Variants in METTL15 observed in about 807,000 individuals in gnomAD.
The protein encoded by METTL15 is 12S rRNA N(4)-cytidine methyltransferase METTL15.
METTL15 carries 34 observed loss-of-function variants against 38.3 expected under a neutral mutation model. The ratio of observed to expected loss-of-function variants is 0.89; its 90% CI spans 0.68 to 1.18. The LOEUF (loss-of-function observed/expected upper bound fraction) is 1.18. METTL15 is among the 50% of genes most tolerant of loss of function. The pLI, the probability that METTL15 is intolerant of heterozygous loss-of-function variation, is 0.00. For synonymous variants in METTL15, 162 were observed against 170.9 expected (o/e 0.95, Z 0.41); for missense variants, 438 against 498.4 (o/e 0.88, Z 1.15).
intron 6 of METTL15, among the ~76,000 whole-genome samples, chr11:28,308,510 CAT>C (rs1416273381): frequency 5.9e-5 from 9 of 152,222 alleles, no homozygotes. Context: ...CAGTTCCACT[CAT>C]AGAATAGACT....
chr11:28,413,926 CAG>C, intron 5 of METTL15, among the ~76,000 whole-genome samples: 1 of 152,250 alleles, frequency 6.6e-6, no homozygotes, highest in East Asian at 1.9e-4. Context: ...TCATGTAGTG[CAG>C]AGTTTCTTAA....
intron 3 of METTL15, among the ~76,000 whole-genome samples, chr11:28,209,274 T>C (rs1852516984): frequency 6.6e-6 from 1 of 152,008 alleles, no homozygotes; most frequent in African/African-American, 2.4e-5. Flanking sequence ...AGGCTAGGTA[T>C]TGATCCCATG....
At chr11:28,370,553 T>C (rs1028193210) in intron 5 of METTL15, among the ~76,000 whole-genome samples, 25 of 152,140 alleles carry the variant, frequency 1.6e-4, no homozygotes, top group African/African-American at 5.5e-4. Flanking sequence ...TTGATTTCTT[T>C]TCTTTGAGAT....
chr11:28,479,498 A>G (rs879406031), intron 6 of METTL15, among the ~76,000 whole-genome samples: 1 of 152,150 alleles, frequency 6.6e-6, no homozygotes, highest in Non-Finnish European at 1.5e-5. Context: ...AGAAGATTTT[A>G]TTCCAAGTCA....
chr11:28,393,387 G>A (rs1043928080), intron 5 of METTL15, among the ~76,000 whole-genome samples: 4 of 152,062 alleles, frequency 2.6e-5, no homozygotes, highest in Non-Finnish European at 5.9e-5. Context: ...AAATTTAGTG[G>A]TTTAAAGAAA....
At chr11:28,310,351 TACACACAC>T (rs111303962) in intron 6 of METTL15, among the ~76,000 whole-genome samples, 1 of 147,060 alleles carries the variant, frequency 6.8e-6, no homozygotes, top group Admixed American at 6.8e-5. Flanking sequence ...TGTTCAGAGG[TACACACAC>T]ACACACACAC....
intron 6 of METTL15, among the ~76,000 whole-genome samples, chr11:28,428,418 C>A (rs919303326): frequency 1.3e-5 from 2 of 152,268 alleles, no homozygotes; most frequent in African/African-American, 4.8e-5. Context: ...TATATACAAT[C>A]CTAGGATGTG....
intron 6 of METTL15, among the ~76,000 whole-genome samples, chr11:28,446,875 C>T (rs1294479045): frequency 1.3e-5 from 2 of 152,032 alleles, no homozygotes; most frequent in East Asian, 1.9e-4. Flanking sequence ...ATAGTTTTTA[C>T]GTCTGCAATT....
intron 4 of METTL15, among the ~76,000 whole-genome samples, chr11:28,277,683 C>T (rs556376606): frequency 1.3e-5 from 2 of 151,388 alleles, no homozygotes; most frequent in South Asian, 2.1e-4. Flanking sequence ...GAGCAAGACT[C>T]GGTTTAAAAA....
At chr11:28,143,880 C>T (rs1362709245) in intron 3 of METTL15, among the ~76,000 whole-genome samples, 4 of 152,166 alleles carry the variant, frequency 2.6e-5, no homozygotes, top group African/African-American at 9.6e-5. Context: ...TCTCTTTTGA[C>T]ATCTGACTGG....
intron 3 of METTL15, among the ~76,000 whole-genome samples, chr11:28,205,977 G>A (rs1378414528): frequency 7.0e-6 from 1 of 143,550 alleles, no homozygotes; most frequent in African/African-American, 2.7e-5. Flanking sequence ...TTGTAAATTT[G>A]TTTGAGTTCA....
At chr11:28,218,766 G>A (rs1195999762) in intron 4 of METTL15, among the ~76,000 whole-genome samples, 1 of 152,176 alleles carries the variant, frequency 6.6e-6, no homozygotes, top group East Asian at 1.9e-4. Context: ...TTTTTAGCAT[G>A]CAGGGCTGTT....
At chr11:28,364,817 C>A (rs527678530) in intron 5 of METTL15, among the ~76,000 whole-genome samples, 58 of 152,274 alleles carry the variant, frequency 3.8e-4, no homozygotes, top group African/African-American at 1.3e-3. Context: ...TGGACTTTGT[C>A]ATAGATGGCT....
At chr11:28,362,935 T>G (rs1013411743) in intron 5 of METTL15, among the ~76,000 whole-genome samples, 6 of 152,224 alleles carry the variant, frequency 3.9e-5, no homozygotes, top group African/African-American at 1.4e-4. Flanking sequence ...ATTTTCAAAC[T>G]GTTTTCCACA....
chr11:28,331,064 C>T lies in METTL15; in HGVS notation c.*223C>T. On this transcript the variant is annotated 3_prime_UTR_variant, in exon 7 of 7. Transcript: ENST00000407364. Reference sequence around the variant, plus strand: ...CTCCAGACTGGAAAAATATGTTAATCTTTGCATCATATTGGACTCTTGAAG... The same window carrying T: ...CTCCAGACTGGAAAAATATGTTAATTTTTGCATCATATTGGACTCTTGAAG... 3.0e-6 allele frequency: 1 copy of T among 336,902 alleles called. No homozygotes were observed. 20.9% of individuals were successfully genotyped at this position (336,902 alleles called of 1,614,324 possible). A position where few individuals can be genotyped will look rare whatever the true frequency, so the allele number is the denominator to read the frequency against.
intron 4 of METTL15, among the ~76,000 whole-genome samples, chr11:28,235,448 C>G (rs10835292): frequency 6.6e-6 from 1 of 151,250 alleles, no homozygotes; most frequent in Non-Finnish European, 1.5e-5. Flanking sequence ...GCATGGAATG[C>G]TCTTCCATTT....
chr11:28,206,098 G>C (rs1852330051), intron 3 of METTL15, among the ~76,000 whole-genome samples: 1 of 148,622 alleles, frequency 6.7e-6, no homozygotes, highest in South Asian at 2.1e-4. Flanking sequence ...CTGTGCAGAA[G>C]CTCTTTAGTT....
intron 3 of METTL15, chr11:28,134,639 T>G (rs1023936779): frequency 2.5e-6 from 1 of 398,438 alleles, no homozygotes; most frequent in Non-Finnish European, 4.4e-6. Context: ...TTAGGACTCC[T>G]CCTGAGGTCA....
chr11:28,332,579 G>C lies in METTL15; in HGVS notation c.*1738G>C, dbSNP rs923085048. 6.6e-4 allele frequency: 98 copies of C among 148,212 alleles called. No individual in the cohort carries two copies. The highest frequency in any genetic ancestry group is 2.4e-3 in the African/African-American group (94 of 38,956). 9.2% of individuals were successfully genotyped at this position (148,212 alleles called of 1,614,324 possible). ...GTATGTGACCTTATTTGGAAATACT[G>C]TGGTTGTGGTTGTAAGTAGCTAAGA... On this transcript the variant is annotated 3_prime_UTR_variant, in exon 7 of 7. Coordinates refer to ENST00000407364, the MANE Select transcript of METTL15 (RefSeq NM_001113528.2).
Sources: allele counts gnomAD v4.1 joint callset (sites outside exome capture counted in the v4.1 genomes callset), GRCh38; gene constraint gnomAD v4.1.1; transcripts MANE v1.5; gene names NCBI Gene and HGNC (gene_info 2026-07-23, HGNC 2026-07-21).